MMGT1: variants seen among roughly 807,000 people sequenced by gnomAD.
The protein encoded by MMGT1 is membrane magnesium transporter 1, also known as ER membrane protein complex subunit 5.
In MMGT1, 2 loss-of-function variants were observed where a neutral mutation model predicts 11.7. That is an observed-to-expected ratio of 0.17 (90% CI 0.07 to 0.54). MMGT1 has a LOEUF of 0.54. Among genes scored for constraint, MMGT1 ranks in the 20% least tolerant of loss-of-function variants. The pLI, the probability that MMGT1 is intolerant of heterozygous loss-of-function variation, is 0.94. For synonymous variants in MMGT1, 49 were observed against 44.4 expected, an observed-to-expected ratio of 1.10 and a Z score of -0.41; for missense variants, 74 against 109.0, an observed-to-expected ratio of 0.68 and a Z score of 1.43.
At position 135,963,451 on chromosome X, in the gene MMGT1, T is replaced by C. The variant is rs1556611632; in HGVS notation, c.*1573A>G. ...TTGTTTCTTGCATGCTATTTTATCA[T>C]CATCACTTTAACCCGATTTCACATT... On this transcript the variant is annotated 3_prime_UTR_variant, in exon 4 of 4. Coordinates refer to ENST00000305963, the MANE Select transcript of MMGT1 (RefSeq NM_173470.3). 1 of 112,202 alleles carries C rather than the reference T, an allele frequency of 8.9e-6. No individual in the cohort carries two copies. The highest frequency in any genetic ancestry group is 1.9e-5 in the Non-Finnish European group (1 of 53,260). The allele number at this position is 112,202 out of a possible 1,213,427, so 9.2% of individuals were successfully genotyped here.
intron 2 of MMGT1, among the ~76,000 whole-genome samples, chrX:135,968,402 A>C (rs1259305721): frequency 1.8e-5 from 2 of 110,761 alleles, no homozygotes; most frequent in African/African-American, 6.6e-5. Flanking sequence ...TGAATCTCTA[A>C]AACATATATG....
At position 135,962,460 on chromosome X, in the gene MMGT1, A is replaced by G. The variant is rs1556611510; in HGVS notation, c.*2564T>C. ...AGCAAAGGCTTAACTAGCTCACATC[A>G]TATTTTTGAACTACCCTAGGCAATA... is the stretch of plus-strand genomic sequence containing the variant. On this transcript the variant is annotated 3_prime_UTR_variant, in exon 4 of 4. Transcript: ENST00000305963. 8.9e-6 allele frequency: 1 copy of G among 112,011 alleles called. No homozygotes were observed. Among genetic ancestry groups the G allele is most frequent in the African/African-American group, 3.2e-5 (1 of 30,827 alleles). 9.2% of individuals were successfully genotyped at this position (112,011 alleles called of 1,213,427 possible). A position where few individuals can be genotyped will look rare whatever the true frequency, so the allele number is the denominator to read the frequency against.
intron 2 of MMGT1, among the ~76,000 whole-genome samples, chrX:135,970,133 G>A (rs2089209177): frequency 9.0e-6 from 1 of 111,616 alleles, no homozygotes; most frequent in Admixed American, 9.6e-5. Flanking sequence ...GGGAGGCTGA[G>A]GCAGATGGAT....
At chrX:135,973,295 C>A (rs182363631) in intron 1 of MMGT1, among the ~76,000 whole-genome samples, 25 of 111,679 alleles carry the variant, frequency 2.2e-4, no homozygotes, top group Non-Finnish European at 4.0e-4. Context: ...CACAACTGTG[C>A]CTGATCTGCC....
At chrX:135,971,260 C>T (rs782782243) in intron 1 of MMGT1, 150 bp from the exon 2 acceptor site, 1 of 288,107 alleles carries the variant, frequency 3.5e-6, no homozygotes, top group African/African-American at 2.8e-5. Flanking sequence ...GCACATTGTG[C>T]ACATGTACCC....
chrX:135,963,094 G>C lies in MMGT1; in HGVS notation c.*1930C>G, dbSNP rs186443575. On this transcript the variant is annotated 3_prime_UTR_variant, in exon 4 of 4. Coordinates refer to ENST00000305963, the MANE Select transcript of MMGT1 (RefSeq NM_173470.3). ...ACCAGAATAAGCAAATCTACAGAGAGAGAAATAGATTAGTGGTTGCCAGGG... is the reference window on the plus strand; with the variant it reads ...ACCAGAATAAGCAAATCTACAGAGACAGAAATAGATTAGTGGTTGCCAGGG... 9.0e-6 allele frequency: 1 copy of C among 110,860 alleles called. No individual in the cohort carries two copies. Among genetic ancestry groups the C allele is most frequent in the Non-Finnish European group, 1.9e-5 (1 of 52,939 alleles). 9.1% of individuals were successfully genotyped at this position (110,860 alleles called of 1,213,427 possible). A position where few individuals can be genotyped will look rare whatever the true frequency, so the allele number is the denominator to read the frequency against.
chrX:135,972,798 T>C (rs1325367055), intron 1 of MMGT1, among the ~76,000 whole-genome samples: 1 of 111,975 alleles, frequency 8.9e-6, no homozygotes, highest in Non-Finnish European at 1.9e-5. Flanking sequence ...CAGGTGGTGC[T>C]CATGATGCTG....
intron 2 of MMGT1, among the ~76,000 whole-genome samples, chrX:135,968,891 T>A (rs1305492214): frequency 9.0e-6 from 1 of 111,683 alleles, no homozygotes; most frequent in African/African-American, 3.3e-5. Context: ...ATTCTGCTGT[T>A]GTTATTGGAT....
At chrX:135,965,340 T>A (rs1341814275) in intron 3 of MMGT1, among the ~76,000 whole-genome samples, 157 bp from the exon 4 acceptor site, 1 of 111,609 alleles carries the variant, frequency 9.0e-6, no homozygotes, top group Non-Finnish European at 1.9e-5. Context: ...TTATACTGTA[T>A]CTCTTTTCCT....
At chrX:135,967,586 T>A in intron 2 of MMGT1, 93 bp from the exon 3 acceptor site, 1 of 469,885 alleles carries the variant, frequency 2.1e-6, no homozygotes, top group Non-Finnish European at 3.5e-6. Flanking sequence ...CTCTAACAGG[T>A]AGTCCTCTCA....
rs782360720 is a variant in MMGT1, at chrX:135,960,616, T to A, written c.*4408A>T. ...TGGAAAAATACATTAAATTTATTCT[T>A]AAATGCAAAGGTGGCCTTTCTAAGC... On this transcript the variant is annotated 3_prime_UTR_variant, in exon 4 of 4. Coordinates refer to ENST00000305963, the MANE Select transcript of MMGT1 (RefSeq NM_173470.3). Among the ~76,000 whole-genome samples, 5 of 111,790 alleles carry A rather than the reference T, an allele frequency of 4.5e-5. No individual in the cohort carries two copies. Among genetic ancestry groups the A allele is most frequent in the African/African-American group, 1.6e-4 (5 of 30,838 alleles).
rs2089193183 is a variant in MMGT1 at position 135,967,561 on chromosome X, C to CT, written c.133-69dup. Reference sequence around the variant, plus strand: ...ATTATAAATATTTACAATTTTCTCTCTACCTCTTCATTGCCTCTAACAGGT... The same window carrying CT: ...ATTATAAATATTTACAATTTTCTCTCTTACCTCTTCATTGCCTCTAACAGGT... On this transcript the variant is annotated intron_variant, in intron 2 of 3. Transcript: ENST00000305963. 6.3e-6 allele frequency: 4 copies of CT among 635,637 alleles called. No homozygotes were observed. The Admixed American group carries it at 1.4e-4, about 22-fold the overall frequency. The allele number at this position is 635,637 out of a possible 1,213,427, so 52.4% of individuals were successfully genotyped here. A position where few individuals can be genotyped will look rare whatever the true frequency, so the allele number is the denominator to read the frequency against.
chrX:135,967,548 T>C, intron 2 of MMGT1, 55 bp from the exon 3 acceptor site: 1 of 719,470 alleles, frequency 1.4e-6, no homozygotes, highest in Middle Eastern at 4.3e-4. Flanking sequence ...TATAAATATT[T>C]ACAATTTTCT....
rs1314290123 is a variant in MMGT1 at position 135,963,504 on chromosome X, T to C, written c.*1520A>G. Reference sequence around the variant, plus strand: ...TAATTCATTTCTAAATTATTTTAGGTTATCGGCAGATTTCTAACTTTGTTC... The same window carrying C: ...TAATTCATTTCTAAATTATTTTAGGCTATCGGCAGATTTCTAACTTTGTTC... On this transcript the variant is annotated 3_prime_UTR_variant, in exon 4 of 4. Coordinates refer to ENST00000305963, the MANE Select transcript of MMGT1 (RefSeq NM_173470.3). 1 of 112,084 alleles carries C rather than the reference T, an allele frequency of 8.9e-6. No homozygotes were observed. The highest frequency in any genetic ancestry group is 3.2e-5 in the African/African-American group (1 of 30,869). 9.2% of individuals were successfully genotyped at this position (112,084 alleles called of 1,213,427 possible).
chrX:135,973,493 AG>A (rs1471596310), intron 1 of MMGT1, 103 bp downstream of exon 1: 3 of 649,404 alleles, frequency 4.6e-6, no homozygotes, highest in Admixed American at 6.9e-5. Context: ...AAGGTCTCAA[AG>A]GACCATTAAT....
intron 2 of MMGT1, among the ~76,000 whole-genome samples, chrX:135,968,679 C>A (rs1162271736): frequency 9.1e-6 from 1 of 109,736 alleles, no homozygotes; most frequent in African/African-American, 3.3e-5. Flanking sequence ...TACAGGTGCC[C>A]GCCACTGCAC....
At position 135,961,523 on chromosome X, in the gene MMGT1, A is replaced by G. The variant is rs1205689881; in HGVS notation, c.*3501T>C. On this transcript the variant is annotated 3_prime_UTR_variant, in exon 4 of 4. Coordinates refer to ENST00000305963, the MANE Select transcript of MMGT1 (RefSeq NM_173470.3). ...TCTGATCTTTTCGCCATGTGCATAC[A>G]TCATCTTTCTTGCCCCCACTCCCCT... 9.0e-6 allele frequency among the ~76,000 whole-genome samples: 1 copy of G among 111,424 alleles called. No individual in the cohort carries two copies. The highest frequency in any genetic ancestry group is 1.9e-5 in the Non-Finnish European group (1 of 53,049).
chrX:135,973,710 G>A lies in MMGT1; in HGVS notation c.-35C>T. The A allele has an allele frequency of 8.6e-7, 1 of 1,167,113 alleles. No individual in the cohort carries two copies. The highest frequency in any genetic ancestry group is 1.1e-6 in the Non-Finnish European group (1 of 872,958). On this transcript the variant is annotated 5_prime_UTR_variant, in exon 1 of 4. Coordinates refer to ENST00000305963, the MANE Select transcript of MMGT1 (RefSeq NM_173470.3). ...GGAGCAGCAGCCCAGCAAAAGAAGC[G>A]AAGGACGGCGGAGCTGTTTCTTCTT... is the stretch of plus-strand genomic sequence containing the variant.
At chrX:135,970,408 C>T (rs1028832702) in intron 2 of MMGT1, among the ~76,000 whole-genome samples, 3 of 111,786 alleles carry the variant, frequency 2.7e-5, no homozygotes, top group African/African-American at 9.8e-5. Flanking sequence ...CATTTTACCA[C>T]CTATGTATGT....
Sources: gnomAD v4.1 joint callset for allele counts (sites outside exome capture counted in the v4.1 genomes callset) on GRCh38, gnomAD v4.1.1 for gene constraint, MANE v1.5 for transcripts, NCBI Gene and HGNC (gene_info 2026-07-23, HGNC 2026-07-21) for gene names.